Variants in CFAP52 observed in about 807,000 individuals in gnomAD.
The protein encoded by CFAP52 is cilia- and flagella-associated protein 52.
Under a neutral mutation model 70.5 loss-of-function variants are expected in CFAP52, and 57 were observed. That is an observed-to-expected ratio of 0.81 (90% CI 0.65 to 1.01). The LOEUF (loss-of-function observed/expected upper bound fraction) is 1.01. CFAP52 is among the 50% of genes least tolerant of loss of function. The probability of loss-of-function intolerance (pLI) is 0.00; values close to 1 mark genes in which losing one functional copy is unlikely to be tolerated. For synonymous variants in CFAP52, 267 were observed against 292.5 expected (o/e 0.91, Z 0.89); for missense variants, 785 against 788.5 (o/e 1.00, Z 0.05).
intron 12 of CFAP52, chr17:9,639,259 A>C: frequency 6.6e-6 from 1 of 152,324 alleles, no homozygotes. Flanking sequence ...GTGAAACCCC[A>C]TCTCTACAAA....
rs751568398 is a variant in CFAP52 at position 9,600,604 on chromosome 17, G to A, written c.753+421G>A. On this transcript the variant is annotated intron_variant, in intron 6 of 13. Transcript: ENST00000352665. ...TTTTGAGAAAGAGTCTCGCTCTGTC[G>A]CCCAGGCTGGCGTGCAGTGGCGAGA... 6.6e-5 allele frequency among the ~76,000 whole-genome samples: 10 copies of A among 152,036 alleles called. 1 individual carries two copies. The South Asian group carries it at 1.9e-3, about 28-fold the overall frequency.
chr17:9,634,245 T>A (rs1004706244), intron 10 of CFAP52, among the ~76,000 whole-genome samples: 3 of 152,216 alleles, frequency 2.0e-5, no homozygotes, highest in African/African-American at 7.2e-5. Context: ...AACAGAATAG[T>A]TTGTGCTCAT....
chr17:9,587,454 C>T (rs1027108255), intron 3 of CFAP52, among the ~76,000 whole-genome samples: 1 of 152,170 alleles, frequency 6.6e-6, no homozygotes, highest in Admixed American at 6.5e-5. Context: ...CCCTGCTTTC[C>T]ACAATGGTTC....
chr17:9,577,077 C>G (rs191640305), intron 1 of CFAP52, among the ~76,000 whole-genome samples: 1 of 152,162 alleles, frequency 6.6e-6, no homozygotes, highest in Non-Finnish European at 1.5e-5. Context: ...AACCCTTCTC[C>G]CACTAGGTCA....
chr17:9,628,170 A>G (rs1249682365), intron 8 of CFAP52, among the ~76,000 whole-genome samples: 2 of 152,188 alleles, frequency 1.3e-5, no homozygotes, highest in Non-Finnish European at 2.9e-5. Flanking sequence ...ACTACAAAAG[A>G]TGGTCCACAG....
In CFAP52 at chr17:9,602,529, A is replaced by G. The variant is rs372272286; in HGVS notation, c.753+2346A>G. Among the ~76,000 whole-genome samples, 418 of 152,200 alleles carry G rather than the reference A, an allele frequency of 2.7e-3. 4 individuals carry two copies. The highest frequency in any genetic ancestry group is 9.1e-3 in the African/African-American group (379 of 41,540). Reference sequence around the variant, plus strand: ...TTTCTTTCTATCCAGTCTATCATTGATGGACATTTGGGTTGGTTCCAAGTC... The same window carrying G: ...TTTCTTTCTATCCAGTCTATCATTGGTGGACATTTGGGTTGGTTCCAAGTC... On this transcript the variant is annotated intron_variant, in intron 6 of 13. Coordinates refer to ENST00000352665, the MANE Select transcript of CFAP52 (RefSeq NM_145054.5).
chr17:9,628,680 C>A lies in CFAP52; in HGVS notation c.1034C>A (p.Ala345Asp), dbSNP rs1476654574. The change falls in exon 9 of 14, where the codon GCT (alanine) becomes GAT (aspartate). Residue 345 changes from alanine (A) to aspartate (D), a missense_variant. Ala to Asp is a moderately radical substitution (Grantham distance 126). Transcript: ENST00000352665. Reference sequence around the variant, plus strand: ...TGATGGCTTCCTTGCAGTGGCACTGCTGAGCTATTTGCAACCTGTGCCAAG... The same window carrying A: ...TGATGGCTTCCTTGCAGTGGCACTGATGAGCTATTTGCAACCTGTGCCAAG... ...VEDIVFPFGTAELFATCAKKD... is the reference protein window; with the variant it reads ...VEDIVFPFGTDELFATCAKKD... The A allele has an allele frequency of 6.2e-7, 1 of 1,613,924 alleles. No homozygotes were observed. Among genetic ancestry groups the A allele is most frequent in the South Asian group, 1.1e-5 (1 of 91,060 alleles).
intron 7 of CFAP52, among the ~76,000 whole-genome samples, chr17:9,610,785 C>G (rs1346535465): frequency 6.6e-6 from 1 of 152,104 alleles, no homozygotes; most frequent in Admixed American, 6.5e-5. Context: ...ATGATCCACC[C>G]ACCTTGGCCT....
chr17:9,622,790 T>C (rs1910096093), intron 8 of CFAP52, among the ~76,000 whole-genome samples: 1 of 152,148 alleles, frequency 6.6e-6, no homozygotes, highest in African/African-American at 2.4e-5. Context: ...ACCACCCTGG[T>C]AAAGCAATAG....
At chr17:9,638,017 G>C (rs1301316092) in intron 11 of CFAP52, among the ~76,000 whole-genome samples, 8 of 152,220 alleles carry the variant, frequency 5.3e-5, no homozygotes, top group African/African-American at 1.9e-4. Context: ...CAAGGGTTGA[G>C]CCTGCCAGCT....
intron 2 of CFAP52, 37 bp from the exon 3 acceptor site, chr17:9,586,661 G>A (rs1908498926): frequency 1.9e-6 from 3 of 1,557,458 alleles, no homozygotes; most frequent in African/African-American, 2.8e-5. Flanking sequence ...TGCTTTTAAT[G>A]CCTCCCTATG....
chr17:9,614,129 TTTCC>T (rs1909815773), intron 8 of CFAP52, among the ~76,000 whole-genome samples: 1 of 150,866 alleles, frequency 6.6e-6, no homozygotes, highest in African/African-American at 2.4e-5. Flanking sequence ...TTCTTTTCCT[TTTCC>T]TTTTCTTTTT....
At chr17:9,622,189 T>C (rs1224322293) in intron 8 of CFAP52, among the ~76,000 whole-genome samples, 1 of 152,188 alleles carries the variant, frequency 6.6e-6, no homozygotes, top group Non-Finnish European at 1.5e-5. Context: ...TCTCTCTTTT[T>C]AACACATCAA....
chr17:9,616,222 C>T (rs2151943926), intron 8 of CFAP52, among the ~76,000 whole-genome samples: 1 of 150,424 alleles, frequency 6.6e-6, no homozygotes, highest in African/African-American at 2.5e-5. Flanking sequence ...CTTTCCCAGT[C>T]AAAGAAAGGG....
At chr17:9,604,253 A>G (rs1457568733) in intron 6 of CFAP52, among the ~76,000 whole-genome samples, 1 of 152,216 alleles carries the variant, frequency 6.6e-6, no homozygotes, top group Non-Finnish European at 1.5e-5. Context: ...TATAATACCC[A>G]TGAAAGAAAG....
At position 9,631,044 on chromosome 17, in the gene CFAP52, G is replaced by GAAAGAA. The variant is rs1294915894; in HGVS notation, c.1175-1843_1175-1842insAAGAAA. Among the ~76,000 whole-genome samples the GAAAGAA allele has an allele frequency of 6.7e-3, 141 of 21,170 alleles. 3 individuals carry two copies. The East Asian group carries it at 0.095, about 14-fold the overall frequency. The allele number at this position is 21,170 out of a possible 152,430, so 13.9% of individuals were successfully genotyped here. ...AAAGAAAGAAAGAGAGAGAGAGAGA[G>GAAAGAA]AGAGAGAGAGAAAGAAAGAAAGAAA... On this transcript the variant is annotated intron_variant, in intron 9 of 13. Transcript: ENST00000352665.
At chr17:9,635,276 C>T (rs552983462) in intron 10 of CFAP52, 129 bp from the exon 11 acceptor site, 34 of 1,314,946 alleles carry the variant, frequency 2.6e-5, no homozygotes, top group Middle Eastern at 2.8e-4. Flanking sequence ...CCCACCCAAC[C>T]GAGACAAAGA....
At position 9,639,371 on chromosome 17, in the gene CFAP52, C is replaced by T. The variant is rs918601771; in HGVS notation, c.1575+660C>T. 2.2e-4 allele frequency among the ~76,000 whole-genome samples: 33 copies of T among 151,312 alleles called. 1 individual carries two copies. Among genetic ancestry groups the T allele is most frequent in the African/African-American group, 6.8e-4 (28 of 41,110 alleles). On this transcript the variant is annotated intron_variant, in intron 12 of 13. Transcript: ENST00000352665. ...GCTTGAACCTGGGAAGTGGAGGTTG[C>T]GGCGAGCCAAGATTGCACCACTGCA...
intron 4 of CFAP52, among the ~76,000 whole-genome samples, chr17:9,596,099 ATATG>A (rs1399651004): frequency 5.5e-4 from 75 of 137,578 alleles, no homozygotes; most frequent in Non-Finnish European, 7.2e-4. Context: ...ATATATATAT[ATATG>A]TACACATATA....
Sources: gnomAD v4.1 joint callset for allele counts (sites outside exome capture counted in the v4.1 genomes callset) on GRCh38, gnomAD v4.1.1 for gene constraint, MANE v1.5 for transcripts, NCBI Gene and HGNC (gene_info 2026-07-23, HGNC 2026-07-21) for gene names.